NRCAM: variants seen among roughly 807,000 people sequenced by gnomAD.
NRCAM encodes the protein neuronal cell adhesion molecule, also known as NgCAM-related cell adhesion molecule.
Under a neutral mutation model 156.5 loss-of-function variants are expected in NRCAM, and 83 were observed. The ratio of observed to expected loss-of-function variants is 0.53; its 90% CI spans 0.44 to 0.64. NRCAM has a LOEUF of 0.64. Ranked by LOEUF, NRCAM falls within the 30% of genes least tolerant of loss-of-function variation. The probability of loss-of-function intolerance (pLI) is 0.00; values close to 1 mark genes in which losing one functional copy is unlikely to be tolerated. For synonymous variants in NRCAM, 538 were observed against 563.9 expected (o/e 0.95, Z 0.65); for missense variants, 1,417 against 1,597.3 (o/e 0.89, Z 1.92).
At chr7:108,309,989 A>C (rs1195749149) in intron 3 of NRCAM, among the ~76,000 whole-genome samples, 1 of 152,222 alleles carries the variant, frequency 6.6e-6, no homozygotes, top group Non-Finnish European at 1.5e-5. Flanking sequence ...TACCAGTTTT[A>C]CTATTATCTA....
rs748858702 is a variant in NRCAM, at chr7:108,176,405, T to C, written c.3151+25A>G. On this transcript the variant is annotated intron_variant, in intron 27 of 32. Transcript: ENST00000379028. ...TTATTTCATGATGCTTATAATTATATGGATTTTATACATACCCATCTTACC... is the reference window on the plus strand; with the variant it reads ...TTATTTCATGATGCTTATAATTATACGGATTTTATACATACCCATCTTACC... 2.5e-5 allele frequency: 40 copies of C among 1,591,366 alleles called. No individual in the cohort carries two copies. In the Admixed American group the frequency reaches 2.5e-4, roughly 10 times the overall value.
intron 2 of NRCAM, among the ~76,000 whole-genome samples, chr7:108,345,350 T>G (rs372269910): frequency 1.3e-5 from 2 of 152,174 alleles, no homozygotes; most frequent in African/African-American, 4.8e-5. Context: ...CCATGGGAAG[T>G]GTTTTGTCTA....
intron 2 of NRCAM, among the ~76,000 whole-genome samples, chr7:108,338,530 T>C (rs1181449525): frequency 6.6e-6 from 1 of 151,162 alleles, no homozygotes; most frequent in African/African-American, 2.4e-5. Flanking sequence ...CCCAAGTTTG[T>C]AAATGGCTAA....
rs772351640 is a variant in NRCAM at position 108,232,333 on chromosome 7, G to A, written c.420C>T (p.Arg140=). 8.7e-6 allele frequency: 14 copies of A among 1,600,004 alleles called. No homozygotes were observed. The highest frequency in any genetic ancestry group is 2.0e-4 in the Middle Eastern group (1 of 5,014). The change falls in exon 7 of 33, where the codon CGC becomes CGT. Residue 140 remains arginine (R), a synonymous_variant. Transcript: ENST00000379028. ...GAAVSNNIVV[R]PSRSPLWTKE... ...TGACAAGTTTCCACTTACTGGATGG[G>A]CGGACAACAATGTTATTAGAAACTG... is the stretch of plus-strand genomic sequence containing the variant.
intron 2 of NRCAM, among the ~76,000 whole-genome samples, chr7:108,317,316 T>C (rs2098938830): frequency 6.6e-6 from 1 of 152,226 alleles, no homozygotes; most frequent in East Asian, 1.9e-4. Context: ...CCTTTTTCTA[T>C]GTCTATAATC....
intron 11 of NRCAM, among the ~76,000 whole-genome samples, chr7:108,210,963 C>A (rs568225939): frequency 1.3e-5 from 2 of 152,246 alleles, no homozygotes; most frequent in African/African-American, 4.8e-5. Flanking sequence ...AGCTCTGATG[C>A]GGATGGACAG....
intron 2 of NRCAM, among the ~76,000 whole-genome samples, chr7:108,383,087 G>A (rs1462562520): frequency 1.3e-5 from 2 of 151,814 alleles, no homozygotes; most frequent in Non-Finnish European, 2.9e-5. Context: ...GTGTTCCAAT[G>A]TAGTCCCATC....
chr7:108,340,577 AG>A (rs1221680042), intron 2 of NRCAM, among the ~76,000 whole-genome samples: 2 of 152,228 alleles, frequency 1.3e-5, no homozygotes, highest in African/African-American at 2.4e-5. Flanking sequence ...ACAGGCCAGC[AG>A]GAAGTTCCCA....
chr7:108,184,128 A>T (rs192890558), intron 22 of NRCAM, 113 bp downstream of exon 22: 43,072 of 449,522 alleles, frequency 0.096, 1,884 homozygotes, highest in Middle Eastern at 0.1. Flanking sequence ...ATATATATAT[A>T]TTTTTTTTCC....
At chr7:108,186,436 T>C (rs1479788770) in intron 20 of NRCAM, among the ~76,000 whole-genome samples, 1 of 152,148 alleles carries the variant, frequency 6.6e-6, no homozygotes, top group African/African-American at 2.4e-5. Flanking sequence ...CTGGAATCCT[T>C]CTTATTTCCC....
chr7:108,244,147 C>A (rs2095738330), intron 3 of NRCAM, among the ~76,000 whole-genome samples: 1 of 152,056 alleles, frequency 6.6e-6, no homozygotes, highest in African/African-American at 2.4e-5. Context: ...CAGCTCTCTA[C>A]CAGAATTTGA....
chr7:108,441,720 G>A (rs960206532), intron 1 of NRCAM, among the ~76,000 whole-genome samples: 7 of 152,318 alleles, frequency 4.6e-5, no homozygotes, highest in African/African-American at 1.7e-4. Context: ...TATAAAATGA[G>A]TATAATAGCA....
rs575851831 is a variant in NRCAM, at chr7:108,233,759, C to G, written c.230+824G>C. 3.3e-4 allele frequency among the ~76,000 whole-genome samples: 50 copies of G among 152,152 alleles called. No homozygotes were observed. Among genetic ancestry groups the G allele is most frequent in the Admixed American group, 7.9e-4 (12 of 15,278 alleles). Reference sequence around the variant, plus strand: ...ATAGACAAACCTGGAAATAAAATAACTGGAAACTTTCACTACTTTATTGCT... The same window carrying G: ...ATAGACAAACCTGGAAATAAAATAAGTGGAAACTTTCACTACTTTATTGCT... On this transcript the variant is annotated intron_variant, in intron 6 of 32. Coordinates refer to ENST00000379028, the MANE Select transcript of NRCAM (RefSeq NM_001037132.4).
At chr7:108,197,458 A>T (rs1490099124) in intron 14 of NRCAM, among the ~76,000 whole-genome samples, 1 of 152,238 alleles carries the variant, frequency 6.6e-6, no homozygotes, top group Non-Finnish European at 1.5e-5. Context: ...TACAATGTTC[A>T]CATAAGCCAA....
chr7:108,291,200 T>C (rs531013839), intron 3 of NRCAM, among the ~76,000 whole-genome samples: 1 of 152,208 alleles, frequency 6.6e-6, no homozygotes, highest in East Asian at 1.9e-4. Context: ...AGCATGAGTG[T>C]TCTGAATTAA....
At position 108,191,636 on chromosome 7, in the gene NRCAM, A is replaced by G. The variant is rs574532045; in HGVS notation, c.1903+93T>C. ...ATGAACTCACCCATGCATATTAACA[A>G]GCAAATATTTGATATTTATAATTTT... is the stretch of plus-strand genomic sequence containing the variant. On this transcript the variant is annotated intron_variant, in intron 18 of 32. Transcript: ENST00000379028. 7.6e-5 allele frequency: 108 copies of G among 1,413,342 alleles called. No individual in the cohort carries two copies. The African/African-American group carries it at 1.3e-3, about 17-fold the overall frequency. The allele number at this position is 1,413,342 out of a possible 1,614,324, so 87.6% of individuals were successfully genotyped here.
chr7:108,217,902 T>A (rs915734577), intron 11 of NRCAM, among the ~76,000 whole-genome samples: 1 of 152,144 alleles, frequency 6.6e-6, no homozygotes, highest in Non-Finnish European at 1.5e-5. Context: ...CTCCCTGGCT[T>A]CAGCTCCCTT....
At chr7:108,359,138 C>A (rs569500283) in intron 2 of NRCAM, among the ~76,000 whole-genome samples, 17 of 152,306 alleles carry the variant, frequency 1.1e-4, no homozygotes, top group African/African-American at 4.1e-4. Context: ...CATTGCCCCA[C>A]ACCTTCCAAT....
chr7:108,180,903 C>T (rs889081944), intron 24 of NRCAM, among the ~76,000 whole-genome samples: 2 of 152,264 alleles, frequency 1.3e-5, no homozygotes, highest in Non-Finnish European at 1.5e-5. Context: ...TGCAGATGAA[C>T]GTGTGGGCTA....
Sources: gnomAD v4.1 joint callset for allele counts (sites outside exome capture counted in the v4.1 genomes callset) on GRCh38, gnomAD v4.1.1 for gene constraint, MANE v1.5 for transcripts, NCBI Gene and HGNC (gene_info 2026-07-23, HGNC 2026-07-21) for gene names.